The following DPF3 variants were observed in gnomAD, a reference collection of about 807,000 sequenced individuals.
The protein encoded by DPF3 is double PHD fingers 3.
A neutral mutation model predicts 56.8 loss-of-function variants in DPF3; 18 were observed. That is an observed-to-expected ratio of 0.32 (90% CI 0.22 to 0.47). The LOEUF (loss-of-function observed/expected upper bound fraction) is 0.47, where lower values mean the gene tolerates loss of function less well. Ranked by LOEUF, DPF3 falls within the 20% of genes least tolerant of loss-of-function variation. DPF3 has a pLI of 1.00. For missense variants in DPF3, 403 were observed against 488.8 expected, an observed-to-expected ratio of 0.82 and a Z score of 1.65; for synonymous variants, 188 against 180.2, an observed-to-expected ratio of 1.04 and a Z score of -0.35.
chr14:72,610,955 G>C lies in DPF3; in HGVS notation c.*8342C>G, dbSNP rs545833541. Among the ~76,000 whole-genome samples the C allele has an allele frequency of 3.3e-5, 5 of 152,230 alleles. No individual in the cohort carries two copies. Among genetic ancestry groups the C allele is most frequent in the Non-Finnish European group, 5.9e-5 (4 of 68,046 alleles). On this transcript the variant is annotated 3_prime_UTR_variant, in exon 11 of 11. Transcript: ENST00000556509. ...TGCCCACAGGCTTTCAAGTAGGTGA[G>C]TGGACCAAACCCCTGCATGCTTTTC...
intron 1 of DPF3, among the ~76,000 whole-genome samples, chr14:72,803,095 C>T (rs909565212): frequency 1.3e-5 from 2 of 152,222 alleles, no homozygotes; most frequent in African/African-American, 4.8e-5. Flanking sequence ...TTTAGTATAA[C>T]ATGTGCCTTC....
At chr14:72,826,412 G>A (rs898328770) in intron 1 of DPF3, among the ~76,000 whole-genome samples, 1 of 152,114 alleles carries the variant, frequency 6.6e-6, no homozygotes, top group African/African-American at 2.4e-5. Flanking sequence ...AACCTTCAGG[G>A]GTCTGAAAAG....
chr14:72,786,077 C>T (rs1599439972), intron 1 of DPF3, among the ~76,000 whole-genome samples: 1 of 152,280 alleles, frequency 6.6e-6, no homozygotes, highest in East Asian at 1.9e-4. Flanking sequence ...GCCTGGCCAA[C>T]TTGGTGAAAC....
At chr14:72,656,207 C>T (rs1433418429) in intron 8 of DPF3, among the ~76,000 whole-genome samples, 1 of 152,190 alleles carries the variant, frequency 6.6e-6, no homozygotes, top group Non-Finnish European at 1.5e-5. Flanking sequence ...CTTTTCTGTA[C>T]TTTTTGGATT....
At position 72,649,524 on chromosome 14, in the gene DPF3, G is replaced by C. The variant is rs1273570076; in HGVS notation, c.872-19788C>G. On this transcript the variant is annotated intron_variant, in intron 8 of 10. Coordinates refer to ENST00000556509, the MANE Select transcript of DPF3 (RefSeq NM_001280542.3). ...AAGAAGACAGGATACAGAGAAGAAGGGGGCTGGAAGGAGTGGGTGAAAGAA... is the reference window on the plus strand; with the variant it reads ...AAGAAGACAGGATACAGAGAAGAAGCGGGCTGGAAGGAGTGGGTGAAAGAA... Among the ~76,000 whole-genome samples the C allele has an allele frequency of 2.0e-5, 3 of 152,262 alleles. No individual in the cohort carries two copies. In the East Asian group the frequency reaches 5.8e-4, roughly 29 times the overall value.
chr14:72,665,060 A>G (rs546460802), intron 8 of DPF3, among the ~76,000 whole-genome samples: 9 of 152,312 alleles, frequency 5.9e-5, no homozygotes, highest in African/African-American at 2.2e-4. Flanking sequence ...GACAATAGAC[A>G]TTCTTGCCTA....
intron 8 of DPF3, among the ~76,000 whole-genome samples, chr14:72,648,681 C>A (rs74062326): frequency 6.6e-6 from 1 of 152,040 alleles, no homozygotes; most frequent in Non-Finnish European, 1.5e-5. Flanking sequence ...CGGGAATGAA[C>A]GGTCTCAGCT....
At chr14:72,790,336 C>T (rs1194704859) in intron 1 of DPF3, among the ~76,000 whole-genome samples, 1 of 152,012 alleles carries the variant, frequency 6.6e-6, no homozygotes, top group East Asian at 1.9e-4. Flanking sequence ...ATTTGTTCAC[C>T]CCTCTATCAC....
intron 8 of DPF3, among the ~76,000 whole-genome samples, chr14:72,651,196 A>G (rs1885897616): frequency 6.6e-6 from 1 of 152,240 alleles, no homozygotes; most frequent in Non-Finnish European, 1.5e-5. Context: ...GAGGTGGCCC[A>G]GGATGGGGGC....
intron 3 of DPF3, among the ~76,000 whole-genome samples, chr14:72,744,680 C>G (rs6574095): frequency 0.95 from 144,746 of 152,006 alleles, 68,942 homozygotes; most frequent in East Asian, 1. Flanking sequence ...CAGACCTGAG[C>G]TCAGAGAAAA....
chr14:72,685,448 C>A (rs1049848392), intron 7 of DPF3, among the ~76,000 whole-genome samples: 1 of 152,202 alleles, frequency 6.6e-6, no homozygotes, highest in Non-Finnish European at 1.5e-5. Flanking sequence ...GTGTAAAATG[C>A]CTGACACTTA....
chr14:72,866,488 C>T (rs1356225971), intron 1 of DPF3, among the ~76,000 whole-genome samples: 1 of 150,752 alleles, frequency 6.6e-6, no homozygotes. Context: ...CAGGTACCCG[C>T]CTCTGCTCCA....
At chr14:72,663,194 AC>A (rs1382651247) in intron 8 of DPF3, among the ~76,000 whole-genome samples, 1 of 149,324 alleles carries the variant, frequency 6.7e-6, no homozygotes, top group African/African-American at 2.5e-5. Context: ...ATTCCCCTCC[AC>A]TTAGAAACCA....
intron 1 of DPF3, among the ~76,000 whole-genome samples, chr14:72,779,928 A>T (rs540778965): frequency 7.6e-4 from 116 of 152,334 alleles, no homozygotes; most frequent in African/African-American, 2.5e-3. Context: ...CATCCAGGAG[A>T]GCAGGGCAGC....
intron 8 of DPF3, chr14:72,662,037 G>C: frequency 2.0e-6 from 2 of 985,010 alleles, no homozygotes; most frequent in Non-Finnish European, 2.4e-6. Flanking sequence ...CTTGCCTGGG[G>C]TGAGGGGGCA....
chr14:72,878,328 T>C (rs568954137), intron 1 of DPF3, among the ~76,000 whole-genome samples: 2 of 152,348 alleles, frequency 1.3e-5, no homozygotes, highest in Admixed American at 1.3e-4. Context: ...CCCTAGGCCA[T>C]CCTTTTTGAA....
chr14:72,837,787 CACA>C (rs779631601), intron 1 of DPF3, among the ~76,000 whole-genome samples: 4 of 152,110 alleles, frequency 2.6e-5, no homozygotes, highest in Non-Finnish European at 5.9e-5. Flanking sequence ...TGTTCACAAT[CACA>C]ACATTTACAC....
At chr14:72,708,374 C>T (rs1203663749) in intron 6 of DPF3, among the ~76,000 whole-genome samples, 9 of 152,304 alleles carry the variant, frequency 5.9e-5, no homozygotes, top group Admixed American at 2.0e-4. Context: ...ATGCCACAAG[C>T]CCCGCTCCAC....
intron 1 of DPF3, among the ~76,000 whole-genome samples, chr14:72,814,960 G>A (rs114633401): frequency 1.1e-4 from 17 of 152,040 alleles, no homozygotes; most frequent in Non-Finnish European, 1.9e-4. Flanking sequence ...TGCATGAGTC[G>A]TAAAGGAAAA....
Sources: gnomAD v4.1 joint callset for allele counts (sites outside exome capture counted in the v4.1 genomes callset) on GRCh38, gnomAD v4.1.1 for gene constraint, MANE v1.5 for transcripts, NCBI Gene and HGNC (gene_info 2026-07-23, HGNC 2026-07-21) for gene names.